EPN1: variants seen among roughly 807,000 people sequenced by gnomAD.
EPN1 encodes the protein epsin-1.
In EPN1, 25 loss-of-function variants were observed where a neutral mutation model predicts 56.9. The observed-to-expected ratio is 0.44, with a 90% CI of 0.32 to 0.61. The LOEUF is 0.61. Ranked by LOEUF, EPN1 falls within the 20% of genes least tolerant of loss-of-function variation. EPN1 has a pLI of 0.05. For missense variants in EPN1, 785 were observed against 823.7 expected (o/e 0.95, Z 0.58); for synonymous variants, 411 against 361.8 (o/e 1.14, Z -1.54).
In EPN1 at chr19:55,688,847, C is replaced by T. The variant is rs114716860; in HGVS notation, c.479-23C>T. 3.3e-3 allele frequency: 5,187 copies of T among 1,568,480 alleles called. 163 individuals are homozygous for T. The African/African-American group carries it at 0.059, about 18-fold the overall frequency. ...CTCTCGTTCCCTGGTCTGGGTCTCA[C>T]GCGTTTCTCACCCGCCCTCCAGCCT... is the stretch of plus-strand genomic sequence containing the variant. On this transcript the variant is annotated intron_variant, in intron 3 of 10. Transcript: ENST00000270460.
Position 55,691,235 on chromosome 19 carries a change from ACGG to A in EPN1, c.763-515_763-513del, listed in dbSNP as rs1348309302. Among the ~76,000 whole-genome samples the A allele has an allele frequency of 2.6e-5, 4 of 151,904 alleles. No homozygotes were observed. The highest frequency in any genetic ancestry group is 5.9e-5 in the Non-Finnish European group (4 of 67,954). ...CCTGCAGCGCGATGACTGCGGGGTG[ACGG>A]CGGGGCAACGTAGGGGGCATCGTGA... On this transcript the variant is annotated intron_variant, in intron 6 of 10. Transcript: ENST00000270460. This position sits in a 1 kb window ranked among gnomAD's most constrained non-coding sequence, Gnocchi z 5.6.
intron 1 of EPN1, chr19:55,677,868 C>A (rs1985546577): frequency 8.2e-7 from 1 of 1,221,840 alleles, no homozygotes; most frequent in African/African-American, 1.6e-5. Context: ...CTCTCCACTT[C>A]CTCCTTGCAT....
chr19:55,684,548 G>C (rs1235436763), intron 2 of EPN1, among the ~76,000 whole-genome samples: 1 of 152,150 alleles, frequency 6.6e-6, no homozygotes, highest in African/African-American at 2.4e-5. Context: ...CAGATTGAAC[G>C]ATAATGTTCC....
intron 7 of EPN1, among the ~76,000 whole-genome samples, chr19:55,692,301 G>T (rs1986610982): frequency 6.6e-6 from 1 of 151,996 alleles, no homozygotes; most frequent in Non-Finnish European, 1.5e-5. Flanking sequence ...CCGAGGGGCA[G>T]AGAGGCTCTG....
chr19:55,677,951 C>T (rs577658262), intron 1 of EPN1, among the ~76,000 whole-genome samples: 2 of 152,338 alleles, frequency 1.3e-5, no homozygotes, highest in Admixed American at 6.5e-5. Flanking sequence ...ATGTTCTCTG[C>T]CCCCATGGGG....
rs1987379626 is a variant in EPN1, at chr19:55,705,927, C to A, written c.*10571C>A. ...TGTGATCATAGCTCACCATGGGATT[C>A]TTGATTTTCAGTGAGTATAAAGTGT... On this transcript the variant is annotated 3_prime_UTR_variant, in exon 11 of 11. Coordinates refer to ENST00000270460, the MANE Select transcript of EPN1 (RefSeq NM_001130072.2). 6.6e-6 allele frequency: 1 copy of A among 152,430 alleles called. No individual in the cohort carries two copies. Among genetic ancestry groups the A allele is most frequent in the Non-Finnish European group, 1.5e-5 (1 of 68,612 alleles). The allele number at this position is 152,430 out of a possible 1,614,324, so 9.4% of individuals were successfully genotyped here. A position where few individuals can be genotyped will look rare whatever the true frequency, so the allele number is the denominator to read the frequency against.
rs201268771 is a variant in EPN1 at position 55,705,811 on chromosome 19, A to ATATATATATATATATATATATG, written c.*10472_*10473insATATGTATATATATATATATAT. On this transcript the variant is annotated 3_prime_UTR_variant, in exon 11 of 11. Transcript: ENST00000270460. ...GCTGGAATATTTGTTGTTGTGGGAT[A>ATATATATATATATATATATATG]TATATATATATATATATTTAGAGTG... 7.5e-4 allele frequency: 75 copies of ATATATATATATATATATATATG among 99,546 alleles called. 3 individuals are homozygous for ATATATATATATATATATATATG. Among genetic ancestry groups the ATATATATATATATATATATATG allele is most frequent in the African/African-American group, 1.9e-3 (56 of 29,166 alleles). The allele number at this position is 99,546 out of a possible 1,614,324, so 6.2% of individuals were successfully genotyped here.
chr19:55,692,828 G>A, intron 8 of EPN1, 32 bp downstream of exon 8: 1 of 1,582,998 alleles, frequency 6.3e-7, no homozygotes. Flanking sequence ...TGGAGCCCCG[G>A]GTGGGAGTGA....
chr19:55,689,071 G>GCCTGGC lies in EPN1; in HGVS notation c.603+77_603+78insCCTGGC. ...ACTTCAGGCTCCCTCCCAGCCAGGC[G>GCCTGGC]TGGGCCTGGCCCTCACTGTCGCTGC... On this transcript the variant is annotated intron_variant, in intron 4 of 10. Coordinates refer to ENST00000270460, the MANE Select transcript of EPN1 (RefSeq NM_001130072.2). The surrounding 1 kb of genome is among the most constrained non-coding windows in gnomAD (Gnocchi z 5.7). 6.7e-7 allele frequency: 1 copy of GCCTGGC among 1,482,208 alleles called. No individual in the cohort carries two copies. Among genetic ancestry groups the GCCTGGC allele is most frequent in the Non-Finnish European group, 9.0e-7 (1 of 1,114,098 alleles). The allele number at this position is 1,482,208 out of a possible 1,614,324, so 91.8% of individuals were successfully genotyped here.
In EPN1 at chr19:55,695,651, C is replaced by A. The variant is rs565404110; in HGVS notation, c.*295C>A. The A allele has an allele frequency of 2.2e-6, 1 of 448,782 alleles. No individual in the cohort carries two copies. Among genetic ancestry groups the A allele is most frequent in the East Asian group, 3.7e-5 (1 of 27,014 alleles). The allele number at this position is 448,782 out of a possible 1,614,324, so 27.8% of individuals were successfully genotyped here. ...CCCCTCCCTCCAAACTCCCAACCCC[C>A]AGTCAGTGTTTGAGCCTCCTCGTTC... On this transcript the variant is annotated 3_prime_UTR_variant, in exon 11 of 11. Coordinates refer to ENST00000270460, the MANE Select transcript of EPN1 (RefSeq NM_001130072.2). This position sits in a 1 kb window ranked among gnomAD's most constrained non-coding sequence, Gnocchi z 4.4.
intron 1 of EPN1, chr19:55,677,238 G>GTGTGT: frequency 7.4e-7 from 1 of 1,347,660 alleles, no homozygotes; most frequent in African/African-American, 1.5e-5. Context: ...CCTGGGCAAG[G>GTGTGT]GGCTGAACCT....
intron 2 of EPN1, among the ~76,000 whole-genome samples, chr19:55,681,270 T>A (rs1486043633): frequency 6.6e-6 from 1 of 152,232 alleles, no homozygotes; most frequent in African/African-American, 2.4e-5. Flanking sequence ...CAGGTTCTCA[T>A]GAAATCCACG....
At chr19:55,682,692 C>G (rs1272141854) in intron 2 of EPN1, among the ~76,000 whole-genome samples, 1 of 152,186 alleles carries the variant, frequency 6.6e-6, no homozygotes, top group Non-Finnish European at 1.5e-5. Flanking sequence ...TTTAGCCTCT[C>G]AAAGCACTGG....
Position 55,685,454 on chromosome 19 carries a change from G to T in EPN1, c.287G>T (p.Cys96Phe). 1 of 1,611,560 alleles carries T rather than the reference G, an allele frequency of 6.2e-7. No homozygotes were observed. The highest frequency in any genetic ancestry group is 8.5e-7 in the Non-Finnish European group (1 of 1,179,082). Reference sequence around the variant, plus strand: ...GGCTCGGAGCGCGTGTCGCAGCAGTGCAAGGAGAACATGTACGCCGTGCAG... The same window carrying T: ...GGCTCGGAGCGCGTGTCGCAGCAGTTCAAGGAGAACATGTACGCCGTGCAG... ...KTGSERVSQQCKENMYAVQTL... is the reference protein window; with the variant it reads ...KTGSERVSQQFKENMYAVQTL... Residue 96 changes from cysteine (C) to phenylalanine (F), a missense_variant, in exon 3 of 11, where the codon TGC (cysteine) becomes TTC (phenylalanine). Transcript: ENST00000270460.
At chr19:55,677,319 T>C in intron 1 of EPN1, 1 of 787,644 alleles carries the variant, frequency 1.3e-6, no homozygotes. Flanking sequence ...ACTGAGTTAA[T>C]ACATGTAAAG....
At chr19:55,682,571 A>G (rs1338513107) in intron 2 of EPN1, among the ~76,000 whole-genome samples, 1 of 152,008 alleles carries the variant, frequency 6.6e-6, no homozygotes, top group Admixed American at 6.6e-5. Flanking sequence ...CGCATGTGCC[A>G]CCACGCCTAG....
intron 3 of EPN1, 46 bp from the exon 4 acceptor site, chr19:55,688,824 C>G (rs1300063314): frequency 2.5e-5 from 39 of 1,557,238 alleles, no homozygotes; most frequent in Non-Finnish European, 3.2e-5. Context: ...TTTCCTGTCT[C>G]TCGTTCCCTG....
Position 55,705,549 on chromosome 19 carries a change from T to G in EPN1, c.*10193T>G, listed in dbSNP as rs1164268202. 1.3e-5 allele frequency: 2 copies of G among 152,092 alleles called. No homozygotes were observed. Among genetic ancestry groups the G allele is most frequent in the African/African-American group, 4.8e-5 (2 of 41,362 alleles). 9.4% of individuals were successfully genotyped at this position (152,092 alleles called of 1,614,324 possible). On this transcript the variant is annotated 3_prime_UTR_variant, in exon 11 of 11. Coordinates refer to ENST00000270460, the MANE Select transcript of EPN1 (RefSeq NM_001130072.2). Reference sequence around the variant, plus strand: ...CTGTAGTCCCAGCTACTCGGGATGCTGAGATGGGAGAATCGTTTGAGCCCG... The same window carrying G: ...CTGTAGTCCCAGCTACTCGGGATGCGGAGATGGGAGAATCGTTTGAGCCCG...
chr19:55,708,247 T>A lies in EPN1; in HGVS notation c.*12891T>A, dbSNP rs1333486999. On this transcript the variant is annotated 3_prime_UTR_variant, in exon 11 of 11. Transcript: ENST00000270460. ...TTCTGCATCATCTTGCTTTTATGTT[T>A]TGTAATAAAAATTTTAGACCAGGCC... 2 of 152,204 alleles carry A rather than the reference T, an allele frequency of 1.3e-5. No individual in the cohort carries two copies. Among genetic ancestry groups the A allele is most frequent in the Non-Finnish European group, 2.9e-5 (2 of 68,046 alleles). The allele number at this position is 152,204 out of a possible 1,614,324, so 9.4% of individuals were successfully genotyped here. A position where few individuals can be genotyped will look rare whatever the true frequency, so the allele number is the denominator to read the frequency against.
Sources: allele counts gnomAD v4.1 joint callset (sites outside exome capture counted in the v4.1 genomes callset), GRCh38; gene constraint gnomAD v4.1.1; non-coding constraint Gnocchi (gnomAD v3.1); transcripts MANE v1.5; gene names NCBI Gene and HGNC (gene_info 2026-07-23, HGNC 2026-07-21).